SLC10A7: variants seen among roughly 807,000 people sequenced by gnomAD.
SLC10A7 encodes solute carrier family 10 member 7, also known as sodium/bile acid cotransporter 7.
SLC10A7 carries 29 observed loss-of-function variants against 43.2 expected under a neutral mutation model. That is an observed-to-expected ratio of 0.67 (90% CI 0.50 to 0.92). The LOEUF (loss-of-function observed/expected upper bound fraction) is 0.92. SLC10A7 is among the 40% of genes least tolerant of loss of function. The pLI, the probability that SLC10A7 is intolerant of heterozygous loss-of-function variation, is 0.00. For synonymous variants in SLC10A7, 152 were observed against 144.8 expected, an observed-to-expected ratio of 1.05 and a Z score of -0.35; for missense variants, 295 against 403.2, an observed-to-expected ratio of 0.73 and a Z score of 2.30.
chr4:146,256,858 G>A (rs1727919814), intron 11 of SLC10A7: 1 of 1,536,042 alleles, frequency 6.5e-7, no homozygotes, highest in South Asian at 1.2e-5. Flanking sequence ...TTATTTTAAT[G>A]CCCAAATTTG....
At chr4:146,469,742 C>A (rs1457275355) in intron 4 of SLC10A7, among the ~76,000 whole-genome samples, 4 of 152,128 alleles carry the variant, frequency 2.6e-5, no homozygotes, top group African/African-American at 9.7e-5. Context: ...AATCCTCCCA[C>A]CGCAGCTTCC....
intron 10 of SLC10A7, among the ~76,000 whole-genome samples, chr4:146,271,569 GAAC>G (rs1311866025): frequency 5.3e-5 from 8 of 152,078 alleles, no homozygotes; most frequent in Non-Finnish European, 2.9e-5. Context: ...ACTTTTAACA[GAAC>G]AACCATAGGG....
chr4:146,450,337 G>C (rs1305205512), intron 4 of SLC10A7, among the ~76,000 whole-genome samples: 2 of 152,104 alleles, frequency 1.3e-5, no homozygotes, highest in African/African-American at 4.8e-5. Flanking sequence ...ATCTAGAGAA[G>C]ACAAAGTATA....
rs1028034734 is a variant in SLC10A7 at position 146,255,621 on chromosome 4, C to T, written c.*870G>A. The T allele has an allele frequency of 6.6e-6, 1 of 152,216 alleles. No homozygotes were observed. Among genetic ancestry groups the T allele is most frequent in the African/African-American group, 2.4e-5 (1 of 41,428 alleles). The allele number at this position is 152,216 out of a possible 1,614,324, so 9.4% of individuals were successfully genotyped here. On this transcript the variant is annotated 3_prime_UTR_variant, in exon 12 of 12. Transcript: ENST00000335472. ...CTGCGTAATAGGAAAAAAATTTGGT[C>T]TGGGTTGTGGAATGTGAATAGAATC...
At chr4:146,360,750 C>A (rs1317659587) in intron 5 of SLC10A7, among the ~76,000 whole-genome samples, 1 of 152,126 alleles carries the variant, frequency 6.6e-6, no homozygotes, top group East Asian at 1.9e-4. Context: ...AGCCACCATG[C>A]CCAGCCTCTC....
intron 5 of SLC10A7, among the ~76,000 whole-genome samples, chr4:146,419,209 C>T (rs1428825222): frequency 1.3e-5 from 2 of 152,028 alleles, no homozygotes; most frequent in African/African-American, 4.8e-5. Flanking sequence ...AACCTTCAGC[C>T]CAGGAGGTTG....
At chr4:146,259,110 G>C (rs1728058854) in intron 10 of SLC10A7, among the ~76,000 whole-genome samples, 1 of 152,170 alleles carries the variant, frequency 6.6e-6, no homozygotes, top group South Asian at 2.1e-4. Flanking sequence ...ATCTAACAAG[G>C]AGAGGAGAGA....
At chr4:146,438,346 T>C (rs905086951) in intron 5 of SLC10A7, among the ~76,000 whole-genome samples, 2 of 152,058 alleles carry the variant, frequency 1.3e-5, no homozygotes, top group Non-Finnish European at 2.9e-5. Flanking sequence ...AAGAGAAAAA[T>C]TATGTGAAAG....
rs116107843 is a variant in SLC10A7 at position 146,429,381 on chromosome 4, G to T, written c.435+13402C>A. On this transcript the variant is annotated intron_variant, in intron 5 of 11. Transcript: ENST00000335472. ...GAGATTAAAATAGCATTCATTGGGT[G>T]ATTTCTGTCTATTCATCTAATATTT... Among the ~76,000 whole-genome samples the T allele has an allele frequency of 6.7e-3, 1,021 of 152,228 alleles. 10 individuals are homozygous for T. Among genetic ancestry groups the T allele is most frequent in the African/African-American group, 0.023 (974 of 41,546 alleles).
chr4:146,443,416 A>T (rs1361398090), intron 4 of SLC10A7, among the ~76,000 whole-genome samples: 4 of 151,948 alleles, frequency 2.6e-5, no homozygotes, highest in African/African-American at 4.8e-5. Context: ...AAAATATTTG[A>T]CTCTCTGCTT....
chr4:146,272,590 T>C (rs1000672486), intron 10 of SLC10A7, among the ~76,000 whole-genome samples: 2 of 152,112 alleles, frequency 1.3e-5, no homozygotes, highest in African/African-American at 4.8e-5. Context: ...TCTGGTTCAA[T>C]TAAGAGAACT....
In SLC10A7 at chr4:146,361,338, A is replaced by C. The variant is rs1736035024; in HGVS notation, c.436-35342T>G. Among the ~76,000 whole-genome samples, 7 of 152,340 alleles carry C rather than the reference A, an allele frequency of 4.6e-5. No individual in the cohort carries two copies. In the South Asian group the frequency reaches 1.4e-3, roughly 32 times the overall value. Reference sequence around the variant, plus strand: ...ATAACAGATAATCAAAATGCAAAATAAACCATCAAATAAAAATTATATTCT... The same window carrying C: ...ATAACAGATAATCAAAATGCAAAATCAACCATCAAATAAAAATTATATTCT... On this transcript the variant is annotated intron_variant, in intron 5 of 11. Coordinates refer to ENST00000335472, the MANE Select transcript of SLC10A7 (RefSeq NM_001029998.6).
Position 146,460,453 on chromosome 4 carries a change from T to C in SLC10A7, c.397-17632A>G, listed in dbSNP as rs554670308. 2.6e-5 allele frequency among the ~76,000 whole-genome samples: 4 copies of C among 152,078 alleles called. No homozygotes were observed. In the South Asian group the frequency reaches 8.3e-4, roughly 31 times the overall value. ...AAATGTCCTTCAAATGGTGAATGAA[T>C]AAAGAAATTATGGTACATTCATACA... On this transcript the variant is annotated intron_variant, in intron 4 of 11. Transcript: ENST00000335472.
At chr4:146,457,210 T>C (rs1425376490) in intron 4 of SLC10A7, among the ~76,000 whole-genome samples, 1 of 151,906 alleles carries the variant, frequency 6.6e-6, no homozygotes, top group East Asian at 1.9e-4. Context: ...TATCCAAACA[T>C]TAAAAAAAGT....
At chr4:146,496,592 T>A (rs1224647720) in intron 4 of SLC10A7, among the ~76,000 whole-genome samples, 1 of 152,164 alleles carries the variant, frequency 6.6e-6, no homozygotes, top group East Asian at 1.9e-4. Flanking sequence ...GAAAAGAATC[T>A]GAAAAACCTG....
chr4:146,262,551 G>A (rs564435327), intron 10 of SLC10A7, among the ~76,000 whole-genome samples: 12 of 152,248 alleles, frequency 7.9e-5, no homozygotes, highest in South Asian at 2.1e-4. Context: ...ACTATGTAAC[G>A]CACCACTCTT....
intron 5 of SLC10A7, among the ~76,000 whole-genome samples, chr4:146,365,828 C>A (rs1736351898): frequency 1.3e-5 from 2 of 152,202 alleles, no homozygotes; most frequent in African/African-American, 4.8e-5. Context: ...CAGCAGGGGT[C>A]CCCAAGCCCT....
At chr4:146,290,722 G>A (rs1730389328) in intron 9 of SLC10A7, among the ~76,000 whole-genome samples, 1 of 152,084 alleles carries the variant, frequency 6.6e-6, no homozygotes, top group African/African-American at 2.4e-5. Flanking sequence ...AGCCGGGCAT[G>A]GTGGTGTTTG....
chr4:146,367,478 A>G (rs563683667), intron 5 of SLC10A7, among the ~76,000 whole-genome samples: 58 of 152,282 alleles, frequency 3.8e-4, no homozygotes, highest in Non-Finnish European at 4.7e-4. Flanking sequence ...ACATGTGGCT[A>G]CTTATAAATG....
Sources: allele counts gnomAD v4.1 joint callset (sites outside exome capture counted in the v4.1 genomes callset), GRCh38; gene constraint gnomAD v4.1.1; transcripts MANE v1.5; gene names NCBI Gene and HGNC (gene_info 2026-07-23, HGNC 2026-07-21).